CUX2: variants seen among roughly 807,000 people sequenced by gnomAD.
The protein encoded by CUX2 is cut like homeobox 2, also known as homeobox protein cut-like 2.
Under a neutral mutation model 144.8 loss-of-function variants are expected in CUX2, and 40 were observed. The observed-to-expected ratio is 0.28, with a 90% CI of 0.21 to 0.36. The LOEUF (loss-of-function observed/expected upper bound fraction) is 0.36. Ranked by LOEUF, CUX2 falls within the 10% of genes least tolerant of loss-of-function variation. The pLI is 1.00. For synonymous variants in CUX2, 827 were observed against 875.6 expected (o/e 0.94, Z 0.98); for missense variants, 1,615 against 1,994.0 (o/e 0.81, Z 3.62).
At chr12:111,205,085 C>T (rs915407065) in intron 1 of CUX2, among the ~76,000 whole-genome samples, 8 of 152,050 alleles carry the variant, frequency 5.3e-5, no homozygotes, top group East Asian at 1.9e-4. Context: ...TCTGGTAACC[C>T]GGGCTGTCTC....
chr12:111,181,384 G>A (rs935699577), intron 1 of CUX2, among the ~76,000 whole-genome samples: 1 of 152,250 alleles, frequency 6.6e-6, no homozygotes, highest in African/African-American at 2.4e-5. Flanking sequence ...TTGGCTTGGA[G>A]GCGCCGGTAA....
intron 1 of CUX2, among the ~76,000 whole-genome samples, chr12:111,121,265 C>T (rs929542776): frequency 4.6e-5 from 7 of 151,676 alleles, no homozygotes; most frequent in South Asian, 4.1e-4. Flanking sequence ...GCAGCGAACT[C>T]GGTCAAATTT....
chr12:111,038,563 C>T (rs113810162), intron 1 of CUX2, among the ~76,000 whole-genome samples: 5 of 152,334 alleles, frequency 3.3e-5, no homozygotes, highest in African/African-American at 9.6e-5. Flanking sequence ...TCTCCAAGTC[C>T]GTAGAACCCA....
At chr12:111,157,910 A>G (rs1282676626) in intron 1 of CUX2, among the ~76,000 whole-genome samples, 1 of 152,212 alleles carries the variant, frequency 6.6e-6, no homozygotes, top group Non-Finnish European at 1.5e-5. Flanking sequence ...AAAGACATGG[A>G]TTAGCACAAC....
chr12:111,283,303 C>A (rs1885213616), intron 4 of CUX2, among the ~76,000 whole-genome samples: 1 of 152,050 alleles, frequency 6.6e-6, no homozygotes, highest in African/African-American at 2.4e-5. Flanking sequence ...GACAGGGTCA[C>A]AGTTCAGTCC....
At chr12:111,323,158 G>A (rs1887617373) in intron 18 of CUX2, among the ~76,000 whole-genome samples, 1 of 152,206 alleles carries the variant, frequency 6.6e-6, no homozygotes, top group African/African-American at 2.4e-5. Flanking sequence ...CAGGGCCCTG[G>A]TGAGGCACCT....
At chr12:111,239,887 G>A (rs1476807403) in intron 3 of CUX2, among the ~76,000 whole-genome samples, 2 of 152,126 alleles carry the variant, frequency 1.3e-5, no homozygotes, top group African/African-American at 4.8e-5. Context: ...TGCACCTGGA[G>A]CATTATCCTG....
At chr12:111,056,736 G>GC (rs765372159) in intron 1 of CUX2, among the ~76,000 whole-genome samples, 2 of 152,238 alleles carry the variant, frequency 1.3e-5, no homozygotes, top group Non-Finnish European at 2.9e-5. Flanking sequence ...AGGTCACCTT[G>GC]CAGGAAGCCT....
chr12:111,111,268 C>G (rs1873935044), intron 1 of CUX2, among the ~76,000 whole-genome samples: 1 of 152,048 alleles, frequency 6.6e-6, no homozygotes, highest in African/African-American at 2.4e-5. Flanking sequence ...CATCACTGCA[C>G]TCCAGTCTGG....
intron 1 of CUX2, among the ~76,000 whole-genome samples, chr12:111,213,182 T>C (rs778137692): frequency 6.6e-6 from 1 of 152,204 alleles, no homozygotes; most frequent in African/African-American, 2.4e-5. Context: ...GGATGATATA[T>C]ACAGAAATGC....
chr12:111,054,904 G>A (rs1870446439), intron 1 of CUX2, among the ~76,000 whole-genome samples: 1 of 152,182 alleles, frequency 6.6e-6, no homozygotes, highest in African/African-American at 2.4e-5. Flanking sequence ...TGGGATTACA[G>A]GCATGAGCCA....
intron 1 of CUX2, among the ~76,000 whole-genome samples, chr12:111,156,315 C>A (rs1877368020): frequency 6.6e-6 from 1 of 152,206 alleles, no homozygotes; most frequent in South Asian, 2.1e-4. Context: ...TTCCTGCCCT[C>A]ATCCCTGTTC....
At chr12:111,090,625 C>T (rs904451914) in intron 1 of CUX2, among the ~76,000 whole-genome samples, 2 of 152,120 alleles carry the variant, frequency 1.3e-5, no homozygotes, top group Admixed American at 6.6e-5. Flanking sequence ...TTCCACCTCC[C>T]CATCTCTCGG....
At chr12:111,038,486 T>C (rs1043815897) in intron 1 of CUX2, among the ~76,000 whole-genome samples, 1 of 152,256 alleles carries the variant, frequency 6.6e-6, no homozygotes, top group Non-Finnish European at 1.5e-5. Flanking sequence ...AAGACAGCTC[T>C]GAGAATAAGA....
intron 1 of CUX2, among the ~76,000 whole-genome samples, chr12:111,082,291 T>A (rs554694276): frequency 3.3e-5 from 5 of 152,068 alleles, no homozygotes; most frequent in Admixed American, 2.6e-4. Flanking sequence ...AGGGAGAAAG[T>A]GGAAAATCAC....
rs1885785780 is a variant in CUX2 at position 111,293,199 on chromosome 12, A to G, written c.437-247A>G. 6.6e-6 allele frequency among the ~76,000 whole-genome samples: 1 copy of G among 152,222 alleles called. No homozygotes were observed. ...TATTTTACCACAATTTTAAAAGTAT[A>G]ATAAAGCAGGCCGCGGAGGCATGAG... is the stretch of plus-strand genomic sequence containing the variant. On this transcript the variant is annotated intron_variant, in intron 5 of 21. Coordinates refer to ENST00000261726, the MANE Select transcript of CUX2 (RefSeq NM_015267.4). This position sits in a 1 kb window ranked among gnomAD's most constrained non-coding sequence, Gnocchi z 4.5.
chr12:111,098,442 A>T (rs1872971271), intron 1 of CUX2, among the ~76,000 whole-genome samples: 1 of 149,894 alleles, frequency 6.7e-6, no homozygotes, highest in African/African-American at 2.4e-5. Flanking sequence ...GACAGGGAGG[A>T]GCTGCTGCAG....
chr12:111,185,743 T>A (rs1192692270), intron 1 of CUX2, among the ~76,000 whole-genome samples: 1 of 152,106 alleles, frequency 6.6e-6, no homozygotes, highest in East Asian at 1.9e-4. Context: ...GCCCAGCCCC[T>A]ACAGTCACAG....
intron 1 of CUX2, among the ~76,000 whole-genome samples, chr12:111,153,557 T>C (rs1378566813): frequency 6.6e-6 from 1 of 152,044 alleles, no homozygotes; most frequent in Non-Finnish European, 1.5e-5. Context: ...TCCCTAAACA[T>C]AGAAAAGGTA....
Sources: gnomAD v4.1 joint callset for allele counts (sites outside exome capture counted in the v4.1 genomes callset) on GRCh38, gnomAD v4.1.1 for gene constraint, Gnocchi (gnomAD v3.1) non-coding constraint, MANE v1.5 for transcripts, NCBI Gene and HGNC (gene_info 2026-07-23, HGNC 2026-07-21) for gene names.